The following DLGAP1 variants were observed in gnomAD, a reference collection of about 807,000 sequenced individuals.
The protein encoded by DLGAP1 is DLG associated protein 1, also known as disks large-associated protein 1.
In DLGAP1, 11 loss-of-function variants were observed where a neutral mutation model predicts 90.8. The ratio of observed to expected loss-of-function variants is 0.12; its 90% CI spans 0.08 to 0.20. The LOEUF (loss-of-function observed/expected upper bound fraction) is 0.20, where lower values mean the gene tolerates loss of function less well. Among genes scored for constraint, DLGAP1 ranks in the 10% least tolerant of loss-of-function variants. DLGAP1 has a pLI of 1.00. For synonymous variants in DLGAP1, 558 were observed against 540.7 expected (o/e 1.03, Z -0.44); for missense variants, 1,050 against 1,333.8 (o/e 0.79, Z 3.31).
At chr18:3,545,110 C>G (rs1439327369) in intron 9 of DLGAP1, among the ~76,000 whole-genome samples, 1 of 151,672 alleles carries the variant, frequency 6.6e-6, no homozygotes, top group Non-Finnish European at 1.5e-5. Context: ...TCTGTCTCTA[C>G]TAATAATATA....
At position 3,600,749 on chromosome 18, in the gene DLGAP1, T is replaced by TATAGATATATATAGATATATAG. The variant is rs1568277692; in HGVS notation, c.1592-18502_1592-18501insCTATATATCTATATATATCTAT. Reference sequence around the variant, plus strand: ...ATATAGATATATATAGATATATAGATATATATAGATATATAGATATATATA... The same window carrying TATAGATATATATAGATATATAG: ...ATATAGATATATATAGATATATAGATATAGATATATATAGATATATAGATATATAGATATATAGATATATATA... On this transcript the variant is annotated intron_variant, in intron 7 of 12. Transcript: ENST00000315677. 4.6e-4 allele frequency among the ~76,000 whole-genome samples: 6 copies of TATAGATATATATAGATATATAG among 12,918 alleles called. 1 individual carries two copies. The highest frequency in any genetic ancestry group is 1.0e-3 in the East Asian group (1 of 974). 8.5% of individuals were successfully genotyped at this position (12,918 alleles called of 152,430 possible).
intron 3 of DLGAP1, among the ~76,000 whole-genome samples, chr18:3,884,975 C>A (rs933878856): frequency 6.6e-6 from 1 of 152,218 alleles, no homozygotes; most frequent in Admixed American, 6.5e-5. Flanking sequence ...AAATCTTACA[C>A]TCTCTTCTAT....
chr18:4,056,442 A>C (rs1189895911), intron 2 of DLGAP1, among the ~76,000 whole-genome samples: 1 of 152,194 alleles, frequency 6.6e-6, no homozygotes, highest in Non-Finnish European at 1.5e-5. Context: ...TAGCCCTCAG[A>C]CAGTTATGAT....
chr18:3,586,715 C>T (rs941306408), intron 7 of DLGAP1, among the ~76,000 whole-genome samples: 3 of 152,200 alleles, frequency 2.0e-5, no homozygotes, highest in Non-Finnish European at 4.4e-5. Flanking sequence ...TTCTTCTGCA[C>T]TCCAAAACTC....
At chr18:3,680,704 G>A (rs966425531) in intron 7 of DLGAP1, among the ~76,000 whole-genome samples, 13 of 149,222 alleles carry the variant, frequency 8.7e-5, no homozygotes, top group Admixed American at 7.5e-4. Context: ...CAGGAGAATG[G>A]CGTGAACCCG....
chr18:3,808,346 G>A (rs1347378855), intron 5 of DLGAP1, among the ~76,000 whole-genome samples: 1 of 151,992 alleles, frequency 6.6e-6, no homozygotes, highest in East Asian at 1.9e-4. Flanking sequence ...TGGAAAGTGG[G>A]AGTGGGGAGT....
rs1568475452 is a variant in DLGAP1, at chr18:4,257,970, C to CGT, written c.-266-106684_-266-106683insAC. Reference sequence around the variant, plus strand: ...GTTATGGATTACAACAAGAGTTATACATATGTGTGTGTGTGTGTGTGTGTG... The same window carrying CGT: ...GTTATGGATTACAACAAGAGTTATACGTATATGTGTGTGTGTGTGTGTGTGTG... On this transcript the variant is annotated intron_variant, in intron 1 of 12. Coordinates refer to ENST00000315677, the MANE Select transcript of DLGAP1 (RefSeq NM_004746.4). Among the ~76,000 whole-genome samples the CGT allele has an allele frequency of 3.4e-3, 321 of 95,168 alleles. 1 individual carries two copies. Among genetic ancestry groups the CGT allele is most frequent in the Non-Finnish European group, 4.0e-3 (180 of 45,258 alleles). The allele number at this position is 95,168 out of a possible 152,430, so 62.4% of individuals were successfully genotyped here.
At position 4,317,532 on chromosome 18, in the gene DLGAP1, T is replaced by G. The variant is rs1011624545; in HGVS notation, c.-267+137474A>C. On this transcript the variant is annotated intron_variant, in intron 1 of 12. Coordinates refer to ENST00000315677, the MANE Select transcript of DLGAP1 (RefSeq NM_004746.4). ...TATTTTCTGTTTCTGAAGTTAGCAG[T>G]GAAAGGATTGAAGGAAACATATGTT... Among the ~76,000 whole-genome samples the G allele has an allele frequency of 2.6e-5, 4 of 152,220 alleles. No individual in the cohort carries two copies. The East Asian group carries it at 5.8e-4, about 22-fold the overall frequency.
At chr18:4,374,086 C>T (rs928035808) in intron 1 of DLGAP1, among the ~76,000 whole-genome samples, 4 of 152,136 alleles carry the variant, frequency 2.6e-5, no homozygotes, top group Non-Finnish European at 5.9e-5. Flanking sequence ...ATGATCCACA[C>T]TAACTTATAA....
intron 7 of DLGAP1, among the ~76,000 whole-genome samples, chr18:3,632,827 T>C (rs1035190174): frequency 2.6e-5 from 4 of 152,032 alleles, no homozygotes; most frequent in Non-Finnish European, 4.4e-5. Context: ...ACCGTTCAGG[T>C]GATGTAAATT....
intron 7 of DLGAP1, among the ~76,000 whole-genome samples, chr18:3,691,810 T>C (rs2060906923): frequency 6.6e-6 from 1 of 151,850 alleles, no homozygotes; most frequent in South Asian, 2.1e-4. Context: ...GTACCAGCTA[T>C]TTGGGAGGCT....
intron 7 of DLGAP1, among the ~76,000 whole-genome samples, chr18:3,673,511 G>A (rs1488487028): frequency 6.6e-6 from 1 of 152,184 alleles, no homozygotes; most frequent in African/African-American, 2.4e-5. Context: ...AATAACTATT[G>A]TTAGCACACA....
At chr18:3,740,867 G>T in intron 6 of DLGAP1, among the ~76,000 whole-genome samples, 2 of 104,742 alleles carry the variant, frequency 1.9e-5, no homozygotes, top group Middle Eastern at 0.016. Flanking sequence ...GACCACCACC[G>T]CCACCACCGT....
chr18:3,919,489 A>AT (rs1016145673), intron 3 of DLGAP1, among the ~76,000 whole-genome samples: 8 of 152,178 alleles, frequency 5.3e-5, no homozygotes, highest in African/African-American at 1.9e-4. Flanking sequence ...GCTACGGATG[A>AT]TTTTTGCCCA....
chr18:3,507,710 T>C (rs2050314979), intron 11 of DLGAP1, among the ~76,000 whole-genome samples: 1 of 151,358 alleles, frequency 6.6e-6, no homozygotes, highest in African/African-American at 2.4e-5. Context: ...TGACCAACAA[T>C]TGAGCAATAA....
At chr18:3,547,591 C>A (rs1213828812) in intron 9 of DLGAP1, among the ~76,000 whole-genome samples, 1 of 16,802 alleles carries the variant, frequency 6.0e-5, no homozygotes, top group Non-Finnish European at 1.6e-4. Flanking sequence ...AATAGGATAG[C>A]CATAAGGGAA....
chr18:3,801,095 C>T (rs2066267806), intron 5 of DLGAP1, among the ~76,000 whole-genome samples: 1 of 152,052 alleles, frequency 6.6e-6, no homozygotes, highest in Non-Finnish European at 1.5e-5. Context: ...AGGTGCCACA[C>T]TCTTGAACAA....
intron 1 of DLGAP1, among the ~76,000 whole-genome samples, chr18:4,348,404 G>GTATGTA (rs201188126): frequency 1.0e-4 from 9 of 88,238 alleles, no homozygotes; most frequent in African/African-American, 3.0e-4. Context: ...TCAGGAATGT[G>GTATGTA]TGTGTGTGTG....
chr18:3,979,505 CG>C (rs2073678290), intron 3 of DLGAP1, among the ~76,000 whole-genome samples: 1 of 152,008 alleles, frequency 6.6e-6, no homozygotes, highest in South Asian at 2.1e-4. Flanking sequence ...TTTTGAAAAG[CG>C]TATCTCTTAG....
Sources: allele counts gnomAD v4.1 joint callset (sites outside exome capture counted in the v4.1 genomes callset), GRCh38; gene constraint gnomAD v4.1.1; transcripts MANE v1.5; gene names NCBI Gene and HGNC (gene_info 2026-07-23, HGNC 2026-07-21).